The following UNC45B variants were observed in gnomAD, a reference collection of about 807,000 sequenced individuals.
UNC45B encodes unc-45 myosin chaperone B.
Under a neutral mutation model 98.7 loss-of-function variants are expected in UNC45B, and 78 were observed. The ratio of observed to expected loss-of-function variants is 0.79; its 90% CI spans 0.66 to 0.95. The LOEUF is 0.95. Among genes scored for constraint, UNC45B ranks in the 40% least tolerant of loss-of-function variants. The pLI is 0.00. For synonymous variants in UNC45B, 462 were observed against 480.4 expected (o/e 0.96, Z 0.50); for missense variants, 1,225 against 1,184.9 (o/e 1.03, Z -0.50).
At chr17:35,149,138 T>A in intron 3 of UNC45B, 129 bp downstream of exon 3, 1 of 1,117,790 alleles carries the variant, frequency 8.9e-7, no homozygotes, top group South Asian at 1.3e-5. Flanking sequence ...GAGAACAAGC[T>A]GGAGAAGGGA....
In UNC45B at chr17:35,185,195, C is replaced by T. The variant is rs141936992; in HGVS notation, c.2530-1104C>T. On this transcript the variant is annotated intron_variant, in intron 19 of 19. Transcript: ENST00000394570. ...TGCCTTTTCTTCCCCCCGTGTCTGT[C>T]TACCCATGTGCTTGTGGAAAGTGAG... is the stretch of plus-strand genomic sequence containing the variant. 3.1e-3 allele frequency among the ~76,000 whole-genome samples: 475 copies of T among 152,312 alleles called. 2 individuals are homozygous for T. Among genetic ancestry groups the T allele is most frequent in the Non-Finnish European group, 5.4e-3 (366 of 68,026 alleles).
chr17:35,150,206 A>T lies in UNC45B; in HGVS notation c.364A>T (p.Thr122Ser), dbSNP rs751123854. 6.2e-7 allele frequency: 1 copy of T among 1,611,488 alleles called. No homozygotes were observed. Among genetic ancestry groups the T allele is most frequent in the East Asian group, 2.2e-5 (1 of 44,788 alleles). The change falls in exon 4 of 20, where the codon ACC (threonine) becomes TCC (serine). Residue 122 changes from threonine (T) to serine (S), a missense_variant. Transcript: ENST00000394570. ...NFQEMLRRLN[T>S]SIQEKLRVQF... ...CCAGGAGATGCTGAGGAGACTCAAC[A>T]CCAGCATTCAGGAGAAGGTGAGCTG...
chr17:35,166,679 G>A (rs1335975864), intron 9 of UNC45B, among the ~76,000 whole-genome samples: 1 of 152,178 alleles, frequency 6.6e-6, no homozygotes, highest in Non-Finnish European at 1.5e-5. Context: ...GAAGGATGCT[G>A]GTTCCCTGGG....
chr17:35,183,763 A>G (rs1161542651), intron 19 of UNC45B, among the ~76,000 whole-genome samples, 181 bp downstream of exon 19: 3 of 152,140 alleles, frequency 2.0e-5, no homozygotes, highest in South Asian at 4.1e-4. Flanking sequence ...CCTTACATTC[A>G]TTATTTGGTC....
chr17:35,148,491 G>T, intron 2 of UNC45B, 60 bp downstream of exon 2: 2 of 1,547,436 alleles, frequency 1.3e-6, no homozygotes, highest in Admixed American at 3.7e-5. Context: ...GGGCTGAGTG[G>T]CAGCCCCTTC....
At chr17:35,150,823 A>G (rs979873298) in intron 4 of UNC45B, among the ~76,000 whole-genome samples, 1 of 144,548 alleles carries the variant, frequency 6.9e-6, no homozygotes, top group African/African-American at 2.5e-5. Context: ...GTATGTCTGC[A>G]ACATGATCTC....
In UNC45B at chr17:35,150,896, A is replaced by T. The variant is rs143904284; in HGVS notation, c.381+673A>T. Among the ~76,000 whole-genome samples the T allele has an allele frequency of 4.3e-3, 653 of 152,182 alleles. 3 individuals carry two copies. The highest frequency in any genetic ancestry group is 0.014 in the African/African-American group (594 of 41,522). On this transcript the variant is annotated intron_variant, in intron 4 of 19. Transcript: ENST00000394570. ...AAGACATCGATGAGGGATAGAGGAG[A>T]GCCAGGCCCCATTAGGAGCATGATT...
chr17:35,174,412 C>T lies in UNC45B; in HGVS notation c.1958+43C>T, dbSNP rs768149468. The T allele has an allele frequency of 2.7e-5, 43 of 1,612,566 alleles. 2 individuals carry two copies. The highest frequency in any genetic ancestry group is 3.1e-5 in the Non-Finnish European group (36 of 1,179,312). ...CAAGGCTTGGAACTAGGGCTGGGGGCCGAGGGTCCTGGAGTGCAGCACACT... is the reference window on the plus strand; with the variant it reads ...CAAGGCTTGGAACTAGGGCTGGGGGTCGAGGGTCCTGGAGTGCAGCACACT... On this transcript the variant is annotated intron_variant, in intron 14 of 19. Transcript: ENST00000394570.
In UNC45B at chr17:35,164,502, G is replaced by A. The variant is rs531706562; in HGVS notation, c.1151+336G>A. 2.6e-3 allele frequency: 479 copies of A among 182,240 alleles called. 3 individuals are homozygous for A. Among genetic ancestry groups the A allele is most frequent in the African/African-American group, 0.011 (455 of 42,430 alleles). 11.3% of individuals were successfully genotyped at this position (182,240 alleles called of 1,614,324 possible). On this transcript the variant is annotated intron_variant, in intron 9 of 19. Transcript: ENST00000394570. ...AGACCTCTCTGCAGCCTGCTGAAGC[G>A]TCTTCACTGCATGCCGCTGGCATGC...
chr17:35,169,917 C>T lies in UNC45B; in HGVS notation c.1533C>T (p.Ala511=). The T allele has an allele frequency of 6.2e-7, 1 of 1,614,120 alleles. No homozygotes were observed. Among genetic ancestry groups the T allele is most frequent in the Non-Finnish European group, 8.5e-7 (1 of 1,180,002 alleles). The part of the protein sequence containing the change: ...QFAEGSTEKL[A]KQCRKWLCNM... ...CGGAAGGGTCGACAGAAAAACTGGC[C>T]AAACAGTGTCGCAAGTAAGGGGGCT... The change falls in exon 11 of 20, where the codon GCC becomes GCT. Residue 511 remains alanine (A), a synonymous_variant. Transcript: ENST00000394570.
chr17:35,162,926 C>G (rs2092111730), intron 8 of UNC45B, among the ~76,000 whole-genome samples: 1 of 152,268 alleles, frequency 6.6e-6, no homozygotes, highest in Admixed American at 6.5e-5. Context: ...CCTCTAAAAC[C>G]TGGCTCCGAA....
intron 5 of UNC45B, among the ~76,000 whole-genome samples, chr17:35,153,229 A>G (rs984731015): frequency 6.6e-6 from 1 of 152,168 alleles, no homozygotes; most frequent in Non-Finnish European, 1.5e-5. Flanking sequence ...TGTTTTGTTC[A>G]TCATGGATTT....
chr17:35,154,023 G>A (rs2092040286), intron 5 of UNC45B, among the ~76,000 whole-genome samples: 1 of 152,172 alleles, frequency 6.6e-6, no homozygotes, highest in African/African-American at 2.4e-5. Flanking sequence ...GTCCAGAGAA[G>A]TGCCGTGACT....
intron 5 of UNC45B, among the ~76,000 whole-genome samples, 159 bp from the exon 6 acceptor site, chr17:35,154,415 C>A (rs190806668): frequency 6.6e-6 from 1 of 151,964 alleles, no homozygotes; most frequent in African/African-American, 2.4e-5. Context: ...GAATTATGTT[C>A]TTGGGCTGTG....
chr17:35,163,546 C>G (rs6505443), intron 8 of UNC45B, among the ~76,000 whole-genome samples: 73,582 of 151,958 alleles, frequency 0.48, 17,983 homozygotes, highest in Middle Eastern at 0.57. Flanking sequence ...TTTATTGAGT[C>G]ATAGTAGTGT....
chr17:35,176,745 T>G (rs2142584644), intron 15 of UNC45B, among the ~76,000 whole-genome samples: 1 of 152,150 alleles, frequency 6.6e-6, no homozygotes, highest in South Asian at 2.1e-4. Flanking sequence ...AGTAAAAAAT[T>G]TGTTGATTGA....
chr17:35,156,767 AATC>A (rs2092065344), intron 7 of UNC45B, among the ~76,000 whole-genome samples: 1 of 152,254 alleles, frequency 6.6e-6, no homozygotes, highest in Non-Finnish European at 1.5e-5. Context: ...CCATTCAGGT[AATC>A]ACTATTACCA....
intron 9 of UNC45B, chr17:35,164,402 T>G: frequency 2.6e-6 from 1 of 378,286 alleles, no homozygotes; most frequent in Middle Eastern, 7.6e-4. Context: ...TGGAAAATGC[T>G]TCCAAGATGG....
intron 7 of UNC45B, among the ~76,000 whole-genome samples, chr17:35,158,221 C>T (rs1488504252): frequency 6.6e-6 from 1 of 152,186 alleles, no homozygotes; most frequent in Non-Finnish European, 1.5e-5. Context: ...TTATAATGGT[C>T]AGCTAGTCAC....
Sources: gnomAD v4.1 joint callset for allele counts (sites outside exome capture counted in the v4.1 genomes callset) on GRCh38, gnomAD v4.1.1 for gene constraint, MANE v1.5 for transcripts, NCBI Gene and HGNC (gene_info 2026-07-23, HGNC 2026-07-21) for gene names.